The following EPB41 variants were observed in gnomAD, a reference collection of about 807,000 sequenced individuals.
EPB41 encodes erythrocyte membrane protein band 4.1, also known as protein 4.1.
Under a neutral mutation model 108.0 loss-of-function variants are expected in EPB41, and 65 were observed. The ratio of observed to expected loss-of-function variants is 0.60; its 90% CI spans 0.49 to 0.74. EPB41 has a LOEUF of 0.74. Among genes scored for constraint, EPB41 ranks in the 30% least tolerant of loss-of-function variants. EPB41 has a pLI of 0.00. For missense variants in EPB41, 875 were observed against 1,037.0 expected (o/e 0.84, Z 2.15); for synonymous variants, 336 against 358.9 (o/e 0.94, Z 0.72).
intron 11 of EPB41, among the ~76,000 whole-genome samples, chr1:29,048,723 G>A (rs1182766972): frequency 6.6e-6 from 1 of 152,068 alleles, no homozygotes; most frequent in East Asian, 1.9e-4. Flanking sequence ...CTTTTTTTTA[G>A]AAAGAGTAGA....
At chr1:28,984,660 G>GT (rs57968199) in intron 1 of EPB41, among the ~76,000 whole-genome samples, 25,558 of 141,550 alleles carry the variant, frequency 0.18, 2,608 homozygotes, top group East Asian at 0.46. Context: ...AAAAACTTAG[G>GT]TTTTTTTTTT....
intron 11 of EPB41, among the ~76,000 whole-genome samples, chr1:29,042,488 G>T (rs1641885044): frequency 2.0e-5 from 3 of 150,936 alleles, no homozygotes; most frequent in Non-Finnish European, 4.4e-5. Context: ...GTTTTGTTTT[G>T]TTTTTTTTGA....
At chr1:28,911,221 T>A, upstream of EPB41, 2 of 971,134 alleles carry the variant, frequency 2.1e-6, no homozygotes, top group Non-Finnish European at 2.4e-6. Flanking sequence ...TGAAGATGTG[T>A]GTCTAAAATA....
intron 1 of EPB41, among the ~76,000 whole-genome samples, chr1:28,983,956 GA>G (rs959674563): frequency 6.0e-5 from 9 of 150,678 alleles, no homozygotes; most frequent in African/African-American, 2.2e-4. Flanking sequence ...GGAATGAATT[GA>G]AGAATGGTAA....
At position 29,109,423 on chromosome 1, in the gene EPB41, A is replaced by T. The variant is rs1213004691; in HGVS notation, c.2401A>T (p.Thr801Ser). The change falls in exon 18 of 21, where the codon ACT (threonine) becomes TCT (serine). Residue 801 changes from threonine to serine, a missense_variant. By Grantham distance (58) the Thr-to-Ser change is moderately conservative (BLOSUM62 1). Around this residue, in one of 3 missense-constraint regions of EPB41, gnomAD observed 519 missense variants for 627.3 expected, o/e 0.83. Transcript: ENST00000343067. ...TGAGACCCCAAGCAGCACCACCACA[A>T]CTCAAATTACCAAGGTAACAGACCA... ...TSETPSSTTTTQITKTVKGGI... is the reference protein window; with the variant it reads ...TSETPSSTTTSQITKTVKGGI... The T allele has an allele frequency of 2.5e-6, 4 of 1,614,022 alleles. No homozygotes were observed. In the East Asian group the frequency reaches 8.9e-5, roughly 36 times the overall value.
At chr1:28,941,306 G>A (rs975880685) in intron 1 of EPB41, among the ~76,000 whole-genome samples, 9 of 152,074 alleles carry the variant, frequency 5.9e-5, no homozygotes, top group Admixed American at 5.9e-4. Context: ...CCTGAGACTG[G>A]TAGGTCAAGA....
chr1:29,017,509 A>G (rs1007813137), intron 6 of EPB41, among the ~76,000 whole-genome samples: 6 of 152,190 alleles, frequency 3.9e-5, no homozygotes, highest in Non-Finnish European at 7.3e-5. Flanking sequence ...GAACTGTTTT[A>G]ACTGCAAACT....
At chr1:29,103,199 G>A (rs547550492) in intron 17 of EPB41, among the ~76,000 whole-genome samples, 3 of 152,146 alleles carry the variant, frequency 2.0e-5, no homozygotes, top group Non-Finnish European at 4.4e-5. Flanking sequence ...ATGAACCACC[G>A]CACCCTGCGC....
chr1:28,964,871 C>T (rs1227751644), intron 1 of EPB41, among the ~76,000 whole-genome samples: 4 of 152,180 alleles, frequency 2.6e-5, no homozygotes, highest in Non-Finnish European at 5.9e-5. Context: ...CATGCCCTCT[C>T]CTCCTTTCGT....
At chr1:29,037,444 A>G (rs1299209098) in intron 10 of EPB41, among the ~76,000 whole-genome samples, 17 of 152,144 alleles carry the variant, frequency 1.1e-4, no homozygotes, top group Non-Finnish European at 2.1e-4. Context: ...CCCTTCTTGT[A>G]TGCACCATGT....
intron 1 of EPB41, among the ~76,000 whole-genome samples, chr1:28,908,590 C>T (rs2092019272): frequency 6.7e-6 from 1 of 150,152 alleles, no homozygotes; most frequent in Non-Finnish European, 1.5e-5. Context: ...TGCCACCACG[C>T]CTGGCTAATT....
intron 16 of EPB41, chr1:29,096,124 C>T (rs1663144613): frequency 1.0e-6 from 1 of 983,542 alleles, no homozygotes. Flanking sequence ...ACCTAATCTT[C>T]TTGCTTTTGT....
intron 1 of EPB41, among the ~76,000 whole-genome samples, chr1:28,933,965 T>G (rs2093872376): frequency 1.3e-5 from 2 of 152,190 alleles, no homozygotes; most frequent in African/African-American, 4.8e-5. Flanking sequence ...TAACTAAAGT[T>G]CATATTTTAT....
chr1:28,909,207 A>G (rs157194), intron 1 of EPB41, among the ~76,000 whole-genome samples: 26,054 of 151,014 alleles, frequency 0.17, 2,812 homozygotes, highest in East Asian at 0.47. Context: ...ATAAATTTTT[A>G]AAAAGCGTTA....
intron 2 of EPB41, among the ~76,000 whole-genome samples, chr1:28,989,800 T>C (rs932588147): frequency 2.6e-5 from 4 of 152,178 alleles, no homozygotes; most frequent in East Asian, 1.9e-4. Flanking sequence ...TCATTTGGGA[T>C]TGAAAGGATT....
At chr1:28,901,124 T>G (rs1015339876) in intron 1 of EPB41, among the ~76,000 whole-genome samples, 19 of 151,864 alleles carry the variant, frequency 1.3e-4, no homozygotes, top group African/African-American at 3.6e-4. Context: ...AGAGATGGGG[T>G]TTCACTGTGT....
chr1:29,013,199 C>G (rs947662394), intron 5 of EPB41, among the ~76,000 whole-genome samples: 4 of 151,988 alleles, frequency 2.6e-5, no homozygotes, highest in African/African-American at 9.7e-5. Flanking sequence ...GTGGCGCATG[C>G]CTGTAATCCC....
chr1:29,060,753 C>T (rs1299855169), intron 15 of EPB41, among the ~76,000 whole-genome samples: 1 of 152,102 alleles, frequency 6.6e-6, no homozygotes, highest in East Asian at 1.9e-4. Context: ...ATTGTTTTAC[C>T]CACCTTTAGA....
At chr1:28,979,151 G>T (rs989879802) in intron 1 of EPB41, among the ~76,000 whole-genome samples, 1 of 151,524 alleles carries the variant, frequency 6.6e-6, no homozygotes, top group African/African-American at 2.4e-5. Flanking sequence ...CTCACAGAAA[G>T]GCTGTGATAA....
Sources: allele counts gnomAD v4.1 joint callset (sites outside exome capture counted in the v4.1 genomes callset), GRCh38; gene constraint gnomAD v4.1.1; regional missense constraint gnomAD v4.1.1; transcripts MANE v1.5; gene names NCBI Gene and HGNC (gene_info 2026-07-23, HGNC 2026-07-21).